Variants in ATP6V1C2 observed in about 807,000 individuals in gnomAD.
ATP6V1C2 encodes the protein ATPase H+ transporting V1 subunit C2, also known as V-type proton ATPase subunit C 2.
Under a neutral mutation model 56.8 loss-of-function variants are expected in ATP6V1C2, and 45 were observed. That is an observed-to-expected ratio of 0.79 (90% CI 0.62 to 1.02). The LOEUF is 1.02. ATP6V1C2 is among the 50% of genes least tolerant of loss of function. ATP6V1C2 has a pLI of 0.00. For synonymous variants in ATP6V1C2, 220 were observed against 201.3 expected (o/e 1.09, Z -0.79); for missense variants, 463 against 519.7 (o/e 0.89, Z 1.06).
At chr2:10,746,191 G>A (rs1480445133) in intron 3 of ATP6V1C2, among the ~76,000 whole-genome samples, 2 of 152,088 alleles carry the variant, frequency 1.3e-5, no homozygotes, top group Non-Finnish European at 2.9e-5. Context: ...GTAGAGATGA[G>A]GTTTCACCAT....
In ATP6V1C2 at chr2:10,754,075, G is replaced by T; in HGVS notation, c.283+9G>T. On this transcript the variant is annotated intron_variant, in intron 4 of 13. Coordinates refer to ENST00000272238, the MANE Select transcript of ATP6V1C2 (RefSeq NM_001039362.2). ...CCTCCTGGCAAACGGAGGTAGGTAG[G>T]GCGGCCCTCTGATGTGGAGCACAAT... 6.3e-7 allele frequency: 1 copy of T among 1,591,412 alleles called. No individual in the cohort carries two copies. Among genetic ancestry groups the T allele is most frequent in the South Asian group, 1.1e-5 (1 of 88,030 alleles).
intron 4 of ATP6V1C2, among the ~76,000 whole-genome samples, chr2:10,758,392 T>C (rs1663677891): frequency 1.3e-5 from 2 of 152,168 alleles, no homozygotes; most frequent in Non-Finnish European, 2.9e-5. Flanking sequence ...TTGAACGGGC[T>C]TTATGACCTC....
intron 4 of ATP6V1C2, among the ~76,000 whole-genome samples, chr2:10,757,274 A>G (rs1192425524): frequency 1.3e-5 from 2 of 151,996 alleles, no homozygotes; most frequent in South Asian, 2.1e-4. Context: ...CGGCCTCCCA[A>G]AGTGCTAGGA....
intron 5 of ATP6V1C2, among the ~76,000 whole-genome samples, chr2:10,765,716 G>A (rs918082860): frequency 7.2e-5 from 11 of 152,218 alleles, no homozygotes; most frequent in African/African-American, 9.6e-5. Flanking sequence ...TTCAGAGGGC[G>A]CTGTGCATGT....
chr2:10,729,069 G>T (rs1156738452), intron 3 of ATP6V1C2, among the ~76,000 whole-genome samples: 1 of 150,520 alleles, frequency 6.6e-6, no homozygotes, highest in Non-Finnish European at 1.5e-5. Context: ...GGCGGAGGTT[G>T]TAGTGAGCCA....
At chr2:10,723,822 G>A (rs1399749656) in intron 2 of ATP6V1C2, among the ~76,000 whole-genome samples, 3 of 144,382 alleles carry the variant, frequency 2.1e-5, no homozygotes, top group Non-Finnish European at 4.5e-5. Flanking sequence ...CTGGGTGAAC[G>A]GCGAGACTCT....
chr2:10,768,331 C>G (rs975945019), intron 5 of ATP6V1C2: 7 of 205,700 alleles, frequency 3.4e-5, no homozygotes, highest in Non-Finnish European at 6.8e-5. Context: ...TCGGCACAGC[C>G]GAGCCAGGAG....
Position 10,784,407 on chromosome 2 carries a change from G to T in ATP6V1C2, c.*1144G>T. On this transcript the variant is annotated 3_prime_UTR_variant, in exon 14 of 14. Coordinates refer to ENST00000272238, the MANE Select transcript of ATP6V1C2 (RefSeq NM_001039362.2). ...TCAACATCTCATTTTATGGAAGAGC[G>T]ACTCTCTGGAGCTACTCCTGCTACA... 1.9e-6 allele frequency: 2 copies of T among 1,060,012 alleles called. No individual in the cohort carries two copies. The highest frequency in any genetic ancestry group is 1.4e-5 in the South Asian group (1 of 69,096). 65.7% of individuals were successfully genotyped at this position (1,060,012 alleles called of 1,614,324 possible).
At chr2:10,739,436 C>CCTAGCTTCCTGA in intron 3 of ATP6V1C2, among the ~76,000 whole-genome samples, 1 of 151,724 alleles carries the variant, frequency 6.6e-6, no homozygotes, top group South Asian at 2.1e-4. Context: ...CTTCCTGACC[C>CCTAGCTTCCTGA]CTAGCTAGAC....
In ATP6V1C2 at chr2:10,763,623, C is replaced by T. The variant is rs141102292; in HGVS notation, c.284-708C>T. On this transcript the variant is annotated intron_variant, in intron 4 of 13. Transcript: ENST00000272238. This position sits in a 1 kb window ranked among gnomAD's most constrained non-coding sequence, Gnocchi z 4.2. The stretch of plus-strand genomic sequence containing the variant: ...ACAGGAATTCCAGGGGCCACCGTGG[C>T]GCTGCAGCTTCCAGGGAATTTCCCG... Among the ~76,000 whole-genome samples the T allele has an allele frequency of 7.2e-5, 11 of 152,302 alleles. No homozygotes were observed. The highest frequency in any genetic ancestry group is 5.8e-4 in the East Asian group (3 of 5,180).
Position 10,777,573 on chromosome 2 carries a change from C to T in ATP6V1C2, c.826-12C>T, listed in dbSNP as rs756816344. On this transcript the variant is annotated splice_polypyrimidine_tract_variant and intron_variant, in intron 10 of 13. Coordinates refer to ENST00000272238, the MANE Select transcript of ATP6V1C2 (RefSeq NM_001039362.2). ...TTGCTGAAAGATTAATAAATCATTT[C>T]TGTGCCTTTAGCAAACTTCCTGTGT... 6 of 1,603,910 alleles carry T rather than the reference C, an allele frequency of 3.7e-6. No homozygotes were observed. Among genetic ancestry groups the T allele is most frequent in the Middle Eastern group, 1.7e-4 (1 of 6,006 alleles).
At chr2:10,749,329 T>C (rs1663087998) in intron 3 of ATP6V1C2, among the ~76,000 whole-genome samples, 1 of 151,748 alleles carries the variant, frequency 6.6e-6, no homozygotes, top group Non-Finnish European at 1.5e-5. Flanking sequence ...ACCCTGGCCC[T>C]ACCAAAAAAA....
chr2:10,767,599 A>C (rs982371683), intron 5 of ATP6V1C2, among the ~76,000 whole-genome samples: 1 of 152,098 alleles, frequency 6.6e-6, no homozygotes, highest in Non-Finnish European at 1.5e-5. Flanking sequence ...CTGGGATTAC[A>C]GGCATCCACC....
intron 3 of ATP6V1C2, among the ~76,000 whole-genome samples, chr2:10,752,657 C>T (rs973726424): frequency 4.6e-5 from 7 of 152,168 alleles, no homozygotes; most frequent in African/African-American, 1.7e-4. Flanking sequence ...GTATCATCCA[C>T]ATTTTATAGG....
chr2:10,730,850 T>C (rs1661911343), intron 3 of ATP6V1C2, among the ~76,000 whole-genome samples: 1 of 151,770 alleles, frequency 6.6e-6, no homozygotes, highest in African/African-American at 2.4e-5. Flanking sequence ...ACGGGATTTC[T>C]CCACATTGGT....
intron 2 of ATP6V1C2, among the ~76,000 whole-genome samples, chr2:10,723,363 A>G (rs12328141): frequency 0.016 from 2,410 of 152,212 alleles, 62 homozygotes; most frequent in African/African-American, 0.056. Context: ...TTAGATGTGC[A>G]GGCTTGGGGG....
intron 8 of ATP6V1C2, among the ~76,000 whole-genome samples, chr2:10,773,735 T>C (rs1664778214): frequency 6.6e-6 from 1 of 152,182 alleles, no homozygotes; most frequent in South Asian, 2.1e-4. Flanking sequence ...GTTTGTAATT[T>C]GAAGAGGTTT....
chr2:10,781,525 G>A (rs1275392567), intron 12 of ATP6V1C2, among the ~76,000 whole-genome samples: 1 of 152,074 alleles, frequency 6.6e-6, no homozygotes, highest in Non-Finnish European at 1.5e-5. Flanking sequence ...AATAGGTCCT[G>A]CTCCCAGGAC....
chr2:10,727,828 G>A (rs932754356), intron 3 of ATP6V1C2, among the ~76,000 whole-genome samples: 1 of 151,878 alleles, frequency 6.6e-6, no homozygotes, highest in Non-Finnish European at 1.5e-5. Flanking sequence ...GAGCGGGGGA[G>A]GGGGGATGGG....
Sources: allele counts gnomAD v4.1 joint callset (sites outside exome capture counted in the v4.1 genomes callset), GRCh38; gene constraint gnomAD v4.1.1; non-coding constraint Gnocchi (gnomAD v3.1); transcripts MANE v1.5; gene names NCBI Gene and HGNC (gene_info 2026-07-23, HGNC 2026-07-21).